The following TSPEAR variants were observed in gnomAD, a reference collection of about 807,000 sequenced individuals.
TSPEAR encodes the protein thrombospondin-type laminin G domain and EAR repeat-containing protein.
A neutral mutation model predicts 71.6 loss-of-function variants in TSPEAR; 69 were observed. The ratio of observed to expected loss-of-function variants is 0.96; its 90% CI spans 0.79 to 1.18. The LOEUF is 1.18. TSPEAR is among the 50% of genes most tolerant of loss of function. The pLI is 0.00. For missense variants in TSPEAR, 971 were observed against 894.9 expected, an observed-to-expected ratio of 1.09 and a Z score of -1.09; for synonymous variants, 402 against 387.2, an observed-to-expected ratio of 1.04 and a Z score of -0.45.
At chr21:44,541,065 C>A (rs1198873882) in intron 2 of TSPEAR, among the ~76,000 whole-genome samples, 1 of 151,286 alleles carries the variant, frequency 6.6e-6, no homozygotes, top group African/African-American at 2.4e-5. Flanking sequence ...GAGCCCGGTG[C>A]CTGGCCATCA....
intron 1 of TSPEAR, chr21:44,702,481 T>C: frequency 6.2e-7 from 1 of 1,608,978 alleles, no homozygotes; most frequent in Non-Finnish European, 8.5e-7. Flanking sequence ...TGTGCCCGTC[T>C]GCTGCAAGCC....
At chr21:44,696,754 T>A (rs1269885343) in intron 1 of TSPEAR, among the ~76,000 whole-genome samples, 1 of 152,188 alleles carries the variant, frequency 6.6e-6, no homozygotes, top group African/African-American at 2.4e-5. Flanking sequence ...GCTGCTGACC[T>A]TCTGTGGTCC....
intron 1 of TSPEAR, among the ~76,000 whole-genome samples, chr21:44,604,849 T>G (rs1254277653): frequency 4.6e-5 from 7 of 152,242 alleles, no homozygotes; most frequent in African/African-American, 1.7e-4. Context: ...GGTGATCATG[T>G]GTTTTTTGTC....
chr21:44,517,034 C>A (rs995228431), intron 9 of TSPEAR, among the ~76,000 whole-genome samples: 1 of 152,184 alleles, frequency 6.6e-6, no homozygotes, highest in Non-Finnish European at 1.5e-5. Context: ...GGCCTGGCCC[C>A]TGTGTCTCTG....
rs186329380 is a variant in TSPEAR, at chr21:44,619,368, G to A, written c.83-51363C>T. On this transcript the variant is annotated intron_variant, in intron 1 of 11. Transcript: ENST00000323084. ...ACAACAATCAGCAACAGCAAACTGCGCAGAGGGAGGAGAGCCTGATACCCA... is the reference window on the plus strand; with the variant it reads ...ACAACAATCAGCAACAGCAAACTGCACAGAGGGAGGAGAGCCTGATACCCA... 1.5e-3 allele frequency among the ~76,000 whole-genome samples: 227 copies of A among 152,334 alleles called. 1 individual carries two copies. Among genetic ancestry groups the A allele is most frequent in the Non-Finnish European group, 2.2e-3 (148 of 68,034 alleles).
chr21:44,677,871 C>T lies in TSPEAR; in HGVS notation c.82+33562G>A, dbSNP rs148023488. The T allele has an allele frequency of 3.2e-4, 431 of 1,361,224 alleles. No homozygotes were observed. The African/African-American group carries it at 4.6e-3, about 14-fold the overall frequency. 84.3% of individuals were successfully genotyped at this position (1,361,224 alleles called of 1,614,324 possible). On this transcript the variant is annotated intron_variant, in intron 1 of 11. Transcript: ENST00000323084. ...AGGTATGGTTTTCTCTACTCTTTCT[C>T]GGAAATGGGAAGCCCATTTGGCATA... is the stretch of plus-strand genomic sequence containing the variant.
chr21:44,665,899 A>G (rs1322198707), intron 1 of TSPEAR, among the ~76,000 whole-genome samples: 1 of 152,242 alleles, frequency 6.6e-6, no homozygotes, highest in African/African-American at 2.4e-5. Context: ...GGCTTTGGCC[A>G]TCAGTGCAGG....
chr21:44,706,915 A>G (rs1987954416), intron 1 of TSPEAR, among the ~76,000 whole-genome samples: 1 of 152,164 alleles, frequency 6.6e-6, no homozygotes, highest in Admixed American at 6.5e-5. Flanking sequence ...GTGGTGTGGG[A>G]TGAAAAGTGA....
At chr21:44,519,917 C>T (rs1370556199) in intron 9 of TSPEAR, 2 of 152,286 alleles carry the variant, frequency 1.3e-5, no homozygotes, top group Non-Finnish European at 2.9e-5. Flanking sequence ...CAGTGTGAGC[C>T]GCTACCACCA....
At chr21:44,661,177 G>C (rs371388531) in intron 1 of TSPEAR, among the ~76,000 whole-genome samples, 1 of 151,488 alleles carries the variant, frequency 6.6e-6, no homozygotes, top group South Asian at 2.1e-4. Flanking sequence ...GGGAGGCTGC[G>C]GCAGGAGAAT....
At chr21:44,654,005 C>T (rs1352506043) in intron 1 of TSPEAR, among the ~76,000 whole-genome samples, 1 of 152,190 alleles carries the variant, frequency 6.6e-6, no homozygotes, top group East Asian at 1.9e-4. Flanking sequence ...GAGCACTCAG[C>T]ATCTGGTATT....
intron 2 of TSPEAR, among the ~76,000 whole-genome samples, chr21:44,564,133 A>G (rs1334666528): frequency 1.3e-5 from 2 of 152,228 alleles, no homozygotes; most frequent in Non-Finnish European, 2.9e-5. Context: ...ATCTGGGAAC[A>G]TGCATTTTGG....
Position 44,710,363 on chromosome 21 carries a change from C to T in TSPEAR, c.82+1070G>A, listed in dbSNP as rs1020793756. Among the ~76,000 whole-genome samples the T allele has an allele frequency of 6.6e-6, 1 of 152,100 alleles. No homozygotes were observed. The highest frequency in any genetic ancestry group is 2.4e-5 in the African/African-American group (1 of 41,416). ...TACCTCCCACTGCACAGCCCGAGGG[C>T]TGTCCTGGAGGCACAGCCATCCGTC... On this transcript the variant is annotated intron_variant, in intron 1 of 11. Transcript: ENST00000323084. This position sits in a 1 kb window ranked among gnomAD's most constrained non-coding sequence, Gnocchi z 4.6.
At chr21:44,575,902 G>T (rs1469432222) in intron 1 of TSPEAR, among the ~76,000 whole-genome samples, 1 of 152,156 alleles carries the variant, frequency 6.6e-6, no homozygotes, top group Non-Finnish European at 1.5e-5. Flanking sequence ...AGGGAAGTAG[G>T]ACTCCCTCTT....
At chr21:44,574,838 C>T (rs782527747) in intron 1 of TSPEAR, 23 of 1,613,978 alleles carry the variant, frequency 1.4e-5, no homozygotes, top group East Asian at 4.5e-5. Flanking sequence ...CCTCCTCCTC[C>T]GTGTCCCTCC....
chr21:44,542,742 T>TA (rs11404148), intron 2 of TSPEAR, among the ~76,000 whole-genome samples: 113,621 of 120,020 alleles, frequency 0.95, 53,893 homozygotes, highest in Middle Eastern at 0.99. Flanking sequence ...AGAGACCTGT[T>TA]AAAAAAAAAA....
At chr21:44,512,933 G>C (rs1186553948) in intron 9 of TSPEAR, among the ~76,000 whole-genome samples, 3 of 152,182 alleles carry the variant, frequency 2.0e-5, no homozygotes, top group Non-Finnish European at 4.4e-5. Context: ...CTCAGAGGCT[G>C]CTCAAGTCAC....
chr21:44,646,577 C>G, intron 1 of TSPEAR: 2 of 1,612,384 alleles, frequency 1.2e-6, no homozygotes, highest in Non-Finnish European at 1.7e-6. Context: ...TGCGCCCCGG[C>G]CCCCTCCCTG....
chr21:44,572,248 T>C (rs425667), intron 1 of TSPEAR, among the ~76,000 whole-genome samples: 104,156 of 151,676 alleles, frequency 0.69, 36,898 homozygotes, highest in Non-Finnish European at 0.78. Context: ...ACCAGAGAAG[T>C]CGAGGAGACC....
Sources: allele counts gnomAD v4.1 joint callset (sites outside exome capture counted in the v4.1 genomes callset), GRCh38; gene constraint gnomAD v4.1.1; non-coding constraint Gnocchi (gnomAD v3.1); transcripts MANE v1.5; gene names NCBI Gene and HGNC (gene_info 2026-07-23, HGNC 2026-07-21).